Variants in MROH1 observed in about 807,000 individuals in gnomAD.
MROH1 encodes maestro heat-like repeat-containing protein family member 1.
A neutral mutation model predicts 116.5 loss-of-function variants in MROH1; 117 were observed. The ratio of observed to expected loss-of-function variants is 1.00; its 90% confidence interval spans 0.86 to 1.17. The LOEUF is 1.17. MROH1 is among the 50% of genes most tolerant of loss of function. The pLI is 0.00. For missense variants in MROH1, 1,873 were observed against 1,338.5 expected, an observed-to-expected ratio of 1.40 and a Z score of -6.23; for synonymous variants, 921 against 583.9, an observed-to-expected ratio of 1.58 and a Z score of -8.32.
chr8:144,252,821 T>C (rs893101128), intron 33 of MROH1, among the ~76,000 whole-genome samples: 2 of 151,584 alleles, frequency 1.3e-5, no homozygotes, highest in South Asian at 4.2e-4. Flanking sequence ...CCAGGCGTGG[T>C]GGTGCCTGCC....
intron 1 of MROH1, among the ~76,000 whole-genome samples, chr8:144,151,247 CAA>C (rs1160118892): frequency 0.037 from 851 of 22,848 alleles, 4 homozygotes; most frequent in African/African-American, 0.1. Context: ...TATTCTGTCT[CAA>C]AAAAAAAAAA....
chr8:144,234,253 C>T (rs1478465191), intron 14 of MROH1, among the ~76,000 whole-genome samples: 1 of 152,164 alleles, frequency 6.6e-6, no homozygotes, highest in East Asian at 1.9e-4. Context: ...TCGTGATCCG[C>T]CGGCCTCGGC....
chr8:144,184,621 GC>G (rs1322959404), intron 7 of MROH1, among the ~76,000 whole-genome samples: 3 of 152,236 alleles, frequency 2.0e-5, no homozygotes, highest in African/African-American at 7.2e-5. Context: ...GGGTGTGGCA[GC>G]CGGTTGCAGA....
At chr8:144,244,003 A>G in intron 26 of MROH1, 61 bp downstream of exon 26, 4 of 759,442 alleles carry the variant, frequency 5.3e-6, no homozygotes, top group Admixed American at 1.8e-5. Flanking sequence ...ATGTGTGTGC[A>G]TTGTGTGTGC....
chr8:144,206,488 T>TCTCGG (rs1832838055), intron 12 of MROH1, among the ~76,000 whole-genome samples: 1 of 151,400 alleles, frequency 6.6e-6, no homozygotes, highest in South Asian at 2.1e-4. Context: ...AGTGGCACGA[T>TCTCGG]CTCGGCTCAC....
At chr8:144,229,009 C>G (rs1234465747) in intron 14 of MROH1, among the ~76,000 whole-genome samples, 1 of 152,190 alleles carries the variant, frequency 6.6e-6, no homozygotes, top group African/African-American at 2.4e-5. Flanking sequence ...GATTCAGTCT[C>G]AAAAAACCAC....
chr8:144,209,982 A>T (rs1833739699), intron 12 of MROH1, among the ~76,000 whole-genome samples: 1 of 151,802 alleles, frequency 6.6e-6, no homozygotes. Context: ...TCATTCTAAG[A>T]CAACAACATC....
chr8:144,200,340 TC>T (rs1830823488), intron 11 of MROH1, 87 bp from the exon 12 acceptor site: 1 of 1,058,076 alleles, frequency 9.5e-7, no homozygotes, highest in East Asian at 2.6e-5. Context: ...CTCCTCTGGC[TC>T]CTCCCCTGTG....
chr8:144,214,724 A>G (rs970381709), intron 12 of MROH1, among the ~76,000 whole-genome samples: 11 of 152,062 alleles, frequency 7.2e-5, no homozygotes, highest in Non-Finnish European at 1.5e-4. Flanking sequence ...CTCATGGCTC[A>G]TGTCCATTTT....
chr8:144,225,837 G>A (rs918193080), intron 14 of MROH1, among the ~76,000 whole-genome samples: 2 of 151,378 alleles, frequency 1.3e-5, no homozygotes, highest in Non-Finnish European at 2.9e-5. Context: ...TGGGATTACA[G>A]GTGTGAGCCA....
At chr8:144,248,083 T>TGGG (rs1172915040) in intron 31 of MROH1, among the ~76,000 whole-genome samples, 5 of 152,202 alleles carry the variant, frequency 3.3e-5, no homozygotes, top group African/African-American at 1.2e-4. Flanking sequence ...AAGAGCCACG[T>TGGG]GGGGGGCTAG....
intron 3 of MROH1, among the ~76,000 whole-genome samples, chr8:144,164,401 T>TC (rs1389876173): frequency 9.9e-6 from 1 of 101,316 alleles, no homozygotes; most frequent in East Asian, 2.9e-4. Flanking sequence ...TGAGACTCGG[T>TC]CCCCCCAAAA....
At position 144,240,085 on chromosome 8, in the gene MROH1, G is replaced by A. The variant is rs973810206; in HGVS notation, c.1775-16G>A. 77 of 774,556 alleles carry A rather than the reference G, an allele frequency of 9.9e-5. No homozygotes were observed. The African/African-American group carries it at 1.1e-3, about 11-fold the overall frequency. The allele number at this position is 774,556 out of a possible 1,614,324, so 48.0% of individuals were successfully genotyped here. A position where few individuals can be genotyped will look rare whatever the true frequency, so the allele number is the denominator to read the frequency against. ...TGCGTTTTGGGATGGGCTGGCCTGC[G>A]CGGCTGTCGTTTCAGAGCACACAGA... On this transcript the variant is annotated splice_polypyrimidine_tract_variant and intron_variant, in intron 18 of 43. Coordinates refer to ENST00000326134, the MANE Select transcript of MROH1 (RefSeq NM_032450.3).
At chr8:144,192,013 C>T (rs114724320) in intron 9 of MROH1, among the ~76,000 whole-genome samples, 158 bp downstream of exon 9, 5,914 of 152,230 alleles carry the variant, frequency 0.039, 133 homozygotes, top group Middle Eastern at 0.065. Context: ...ACAGGGCCCT[C>T]GTGGGGACCA....
chr8:144,253,098 G>A (rs1843112255), intron 33 of MROH1, among the ~76,000 whole-genome samples: 1 of 151,810 alleles, frequency 6.6e-6, no homozygotes, highest in African/African-American at 2.4e-5. Context: ...AGGTTGCAGT[G>A]AGCTGAGATC....
chr8:144,157,677 C>CTTTTTTTTTTTTTTTTTTTTTTT (rs1164415639), intron 1 of MROH1, among the ~76,000 whole-genome samples: 3 of 117,942 alleles, frequency 2.5e-5, no homozygotes, highest in African/African-American at 3.5e-5. Context: ...TTCTTTCTTT[C>CTTTTTTTTTTTTTTTTTTTTTTT]TTTTTTTTTT....
rs895744123 is a variant in MROH1 at position 144,180,758 on chromosome 8, G to T, written c.562+235G>T. On this transcript the variant is annotated intron_variant, in intron 7 of 43. Coordinates refer to ENST00000326134, the MANE Select transcript of MROH1 (RefSeq NM_032450.3). The surrounding 1 kb of genome is among the most constrained non-coding windows in gnomAD (Gnocchi z 7.4). ...TGGAGAGCCCCCCACCTTACATTGT[G>T]GGTCCACTGAGGGCTGGACGTGCCT... 6.6e-6 allele frequency among the ~76,000 whole-genome samples: 1 copy of T among 152,136 alleles called. No homozygotes were observed. Among genetic ancestry groups the T allele is most frequent in the Admixed American group, 6.5e-5 (1 of 15,280 alleles).
chr8:144,254,728 A>G lies in MROH1; in HGVS notation c.3429-85A>G. The G allele has an allele frequency of 5.9e-6, 4 of 683,686 alleles. No homozygotes were observed. The Admixed American group carries it at 8.2e-5, about 14-fold the overall frequency. The allele number at this position is 683,686 out of a possible 1,614,324, so 42.4% of individuals were successfully genotyped here. A position where few individuals can be genotyped will look rare whatever the true frequency, so the allele number is the denominator to read the frequency against. ...TGGTGGCTGTGTCTGAGCGTCGTGG[A>G]GCCAGGGTCCACGGCACCCAGGTGG... On this transcript the variant is annotated intron_variant, in intron 33 of 43. Transcript: ENST00000326134.
At chr8:144,203,414 C>T (rs1329156825) in intron 12 of MROH1, among the ~76,000 whole-genome samples, 1 of 140,040 alleles carries the variant, frequency 7.1e-6, no homozygotes, top group Admixed American at 7.2e-5. Flanking sequence ...TGGAGAGGAG[C>T]GTCAGCTCTC....
Sources: allele counts gnomAD v4.1 joint callset (sites outside exome capture counted in the v4.1 genomes callset), GRCh38; gene constraint gnomAD v4.1.1; non-coding constraint Gnocchi (gnomAD v3.1); transcripts MANE v1.5; gene names NCBI Gene and HGNC (gene_info 2026-07-23, HGNC 2026-07-21).